The following ARHGAP15 variants were observed in gnomAD, a reference collection of about 807,000 sequenced individuals.
ARHGAP15 encodes the protein Rho GTPase activating protein 15, also known as rho GTPase-activating protein 15.
Under a neutral mutation model 63.7 loss-of-function variants are expected in ARHGAP15, and 51 were observed. The observed-to-expected ratio is 0.80, with a 90% CI of 0.64 to 1.01. The LOEUF is 1.01. ARHGAP15 is among the 50% of genes least tolerant of loss of function. ARHGAP15 has a pLI of 0.00. For synonymous variants in ARHGAP15, 191 were observed against 193.8 expected (o/e 0.99, Z 0.12); for missense variants, 560 against 564.6 (o/e 0.99, Z 0.08).
chr2:143,519,073 G>A, intron 9 of ARHGAP15, 193 bp from the exon 10 acceptor site: 1 of 427,180 alleles, frequency 2.3e-6, no homozygotes. Context: ...CTCACTCTGG[G>A]GCGAGGGTCC....
At chr2:143,217,762 T>C (rs1692814293) in intron 4 of ARHGAP15, among the ~76,000 whole-genome samples, 1 of 152,156 alleles carries the variant, frequency 6.6e-6, no homozygotes, top group African/African-American at 2.4e-5. Context: ...GAGTAAGTCA[T>C]GACCCTTTCT....
intron 6 of ARHGAP15, among the ~76,000 whole-genome samples, chr2:143,413,966 T>TGTGTGTGCGCGCACGCGCGCGC: frequency 2.2e-3 from 262 of 117,918 alleles, no homozygotes; most frequent in African/African-American, 8.7e-3. Flanking sequence ...TGTGTGTGTG[T>TGTGTGTGCGCGCACGCGCGCGC]GCGCGCTCTC....
chr2:143,535,204 G>A (rs13003315), intron 10 of ARHGAP15, among the ~76,000 whole-genome samples: 47,568 of 151,828 alleles, frequency 0.31, 8,001 homozygotes, highest in East Asian at 0.42. Flanking sequence ...TTGGATAATA[G>A]CAACCACTCT....
At chr2:143,375,777 A>G (rs1392055578) in intron 6 of ARHGAP15, among the ~76,000 whole-genome samples, 1 of 152,198 alleles carries the variant, frequency 6.6e-6, no homozygotes, top group Non-Finnish European at 1.5e-5. Context: ...TATCAACACT[A>G]TGGCTCTAAA....
intron 12 of ARHGAP15, among the ~76,000 whole-genome samples, chr2:143,702,929 A>G (rs964513901): frequency 6.6e-6 from 1 of 152,196 alleles, no homozygotes; most frequent in South Asian, 2.1e-4. Context: ...CTAACTGATC[A>G]TATCTGCAAA....
At chr2:143,646,728 C>T (rs1394009261) in intron 12 of ARHGAP15, among the ~76,000 whole-genome samples, 1 of 151,962 alleles carries the variant, frequency 6.6e-6, no homozygotes, top group African/African-American at 2.4e-5. Context: ...ATCTATGAGA[C>T]CAGAGATGTG....
intron 6 of ARHGAP15, among the ~76,000 whole-genome samples, chr2:143,375,695 C>T (rs1219898508): frequency 6.6e-6 from 1 of 152,108 alleles, no homozygotes; most frequent in African/African-American, 2.4e-5. Flanking sequence ...ATGGATATTG[C>T]ATAACTTGAA....
intron 6 of ARHGAP15, among the ~76,000 whole-genome samples, chr2:143,270,885 T>A (rs983494867): frequency 6.6e-6 from 1 of 152,214 alleles, no homozygotes; most frequent in Non-Finnish European, 1.5e-5. Flanking sequence ...AAAACATATT[T>A]ATCAGTCATA....
At chr2:143,610,989 A>G (rs1486288056) in intron 11 of ARHGAP15, among the ~76,000 whole-genome samples, 1 of 152,064 alleles carries the variant, frequency 6.6e-6, no homozygotes, top group Non-Finnish European at 1.5e-5. Context: ...TTGGCCTCCC[A>G]AAGTTCTAGG....
chr2:143,616,901 G>C (rs1698472378), intron 11 of ARHGAP15, among the ~76,000 whole-genome samples: 1 of 152,182 alleles, frequency 6.6e-6, no homozygotes, highest in South Asian at 2.1e-4. Context: ...CTTGAGTTGA[G>C]TTTTTCCTGA....
intron 2 of ARHGAP15, among the ~76,000 whole-genome samples, chr2:143,190,780 C>T (rs1247961909): frequency 6.6e-6 from 1 of 152,174 alleles, no homozygotes; most frequent in Non-Finnish European, 1.5e-5. Context: ...TTGTTAACTT[C>T]TTTGTAATTA....
At chr2:143,569,647 C>T (rs913754208) in intron 11 of ARHGAP15, among the ~76,000 whole-genome samples, 1 of 152,192 alleles carries the variant, frequency 6.6e-6, no homozygotes, top group Non-Finnish European at 1.5e-5. Context: ...GGCTTTTATT[C>T]TAAGCTCAGT....
At chr2:143,656,471 C>T (rs971086812) in intron 12 of ARHGAP15, among the ~76,000 whole-genome samples, 1 of 152,102 alleles carries the variant, frequency 6.6e-6, no homozygotes, top group South Asian at 2.1e-4. Flanking sequence ...CCACTGGAAC[C>T]AATTTGATTG....
At chr2:143,248,245 TAACTGGG>T (rs1694122176) in intron 5 of ARHGAP15, among the ~76,000 whole-genome samples, 1 of 152,148 alleles carries the variant, frequency 6.6e-6, no homozygotes, top group South Asian at 2.1e-4. Flanking sequence ...AGGTGACATT[TAACTGGG>T]AACTGAAGGA....
At chr2:143,317,277 T>C (rs916629974) in intron 6 of ARHGAP15, among the ~76,000 whole-genome samples, 2 of 152,174 alleles carry the variant, frequency 1.3e-5, no homozygotes, top group Non-Finnish European at 2.9e-5. Flanking sequence ...ATCAAATTAG[T>C]GAGCTAGGAT....
chr2:143,256,328 C>T (rs1240617806), intron 6 of ARHGAP15, among the ~76,000 whole-genome samples: 1 of 152,062 alleles, frequency 6.6e-6, no homozygotes, highest in East Asian at 1.9e-4. Flanking sequence ...AATTTCTGCT[C>T]TACTTCTGGT....
At chr2:143,678,141 G>GA (rs1559121294) in intron 12 of ARHGAP15, among the ~76,000 whole-genome samples, 1 of 152,184 alleles carries the variant, frequency 6.6e-6, no homozygotes, top group Non-Finnish European at 1.5e-5. Context: ...AGCCTGGGGG[G>GA]ATGGAGGCTG....
chr2:143,164,458 T>C (rs751087813), intron 2 of ARHGAP15, among the ~76,000 whole-genome samples: 11 of 151,968 alleles, frequency 7.2e-5, no homozygotes, highest in Non-Finnish European at 1.5e-4. Context: ...AGGTGATGGA[T>C]TTTTATGATT....
At chr2:143,719,921 T>C (rs1684973388) in intron 13 of ARHGAP15, among the ~76,000 whole-genome samples, 1 of 152,184 alleles carries the variant, frequency 6.6e-6, no homozygotes, top group Admixed American at 6.5e-5. Context: ...CCACCTGTTG[T>C]CACATTCTTT....
Sources: allele counts gnomAD v4.1 joint callset (sites outside exome capture counted in the v4.1 genomes callset), GRCh38; gene constraint gnomAD v4.1.1; transcripts MANE v1.5; gene names NCBI Gene and HGNC (gene_info 2026-07-23, HGNC 2026-07-21).